Variants in CUL5 observed in about 807,000 individuals in gnomAD.
The protein encoded by CUL5 is cullin-5.
In CUL5, 26 loss-of-function variants were observed where a neutral mutation model predicts 108.8. The observed-to-expected ratio is 0.24, with a 90% CI of 0.18 to 0.33. CUL5 has a LOEUF of 0.33. Ranked by LOEUF, CUL5 falls within the 10% of genes least tolerant of loss-of-function variation. The pLI, the probability that CUL5 is intolerant of heterozygous loss-of-function variation, is 1.00. For synonymous variants in CUL5, 334 were observed against 298.0 expected, an observed-to-expected ratio of 1.12 and a Z score of -1.25; for missense variants, 524 against 909.2, an observed-to-expected ratio of 0.58 and a Z score of 5.45.
intron 7 of CUL5, among the ~76,000 whole-genome samples, chr11:108,058,898 G>A (rs1863466968): frequency 6.6e-6 from 1 of 152,214 alleles, no homozygotes; most frequent in African/African-American, 2.4e-5. Context: ...TGTATTTAAT[G>A]TAAAACAAGG....
chr11:108,043,236 ATTATT>A (rs1862979002), intron 2 of CUL5, among the ~76,000 whole-genome samples: 1 of 152,118 alleles, frequency 6.6e-6, no homozygotes, highest in African/African-American at 2.4e-5. Context: ...TGCCCAACTA[ATTATT>A]TTATTTTATT....
intron 7 of CUL5, among the ~76,000 whole-genome samples, chr11:108,068,154 G>T (rs1048343124): frequency 3.3e-5 from 5 of 152,110 alleles, no homozygotes; most frequent in African/African-American, 1.2e-4. Context: ...CTGACCTCAG[G>T]TGATCCGCCC....
chr11:108,014,143 A>T (rs1050669393), intron 1 of CUL5, among the ~76,000 whole-genome samples: 1 of 152,230 alleles, frequency 6.6e-6, no homozygotes. Flanking sequence ...TGGGATGATC[A>T]GTGAAAATTT....
chr11:108,029,220 G>C (rs1163029776), intron 1 of CUL5, among the ~76,000 whole-genome samples: 1 of 151,820 alleles, frequency 6.6e-6, no homozygotes, highest in African/African-American at 2.4e-5. Context: ...CTTTTTCCAG[G>C]TATTCCCCCA....
intron 18 of CUL5, among the ~76,000 whole-genome samples, chr11:108,102,540 A>C (rs1043518213): frequency 7.9e-5 from 12 of 151,958 alleles, no homozygotes; most frequent in Non-Finnish European, 1.6e-4. Flanking sequence ...CATGTTGCCT[A>C]GGCTGGTCTC....
chr11:108,079,709 C>T (rs1020408440), intron 11 of CUL5, among the ~76,000 whole-genome samples: 3 of 152,170 alleles, frequency 2.0e-5, no homozygotes, highest in South Asian at 2.1e-4. Flanking sequence ...TCTTTATCAT[C>T]GTACAAAGTT....
chr11:108,013,444 G>T (rs1161554963), intron 1 of CUL5, among the ~76,000 whole-genome samples: 1 of 152,100 alleles, frequency 6.6e-6, no homozygotes, highest in Non-Finnish European at 1.5e-5. Context: ...CTTTCCAGCT[G>T]GGTCTTCTCC....
chr11:108,075,137 G>A (rs1045299347), intron 10 of CUL5, among the ~76,000 whole-genome samples: 5 of 151,844 alleles, frequency 3.3e-5, no homozygotes, highest in African/African-American at 1.2e-4. Context: ...TCAATTAAGT[G>A]ATGATGGAGG....
rs1243193847 is a variant in CUL5, at chr11:108,105,317, C to G, written c.*933C>G. 6.6e-6 allele frequency: 1 copy of G among 152,236 alleles called. No individual in the cohort carries two copies. Among genetic ancestry groups the G allele is most frequent in the African/African-American group, 2.4e-5 (1 of 41,390 alleles). The allele number at this position is 152,236 out of a possible 1,614,324, so 9.4% of individuals were successfully genotyped here. A position where few individuals can be genotyped will look rare whatever the true frequency, so the allele number is the denominator to read the frequency against. On this transcript the variant is annotated 3_prime_UTR_variant, in exon 19 of 19. Transcript: ENST00000393094. ...TTATTAAAAACAACACAGAAATCTC[C>G]TGCTCTGATATAGTTATGTAACTGA...
At chr11:108,011,465 A>G (rs1862055467) in intron 1 of CUL5, among the ~76,000 whole-genome samples, 1 of 152,244 alleles carries the variant, frequency 6.6e-6, no homozygotes, top group African/African-American at 2.4e-5. Flanking sequence ...GCTCACAAGA[A>G]TTTAAAAAGT....
rs1861995799 is a variant in CUL5, at chr11:108,009,261, C to T, written c.-88C>T. On this transcript the variant is annotated 5_prime_UTR_variant, in exon 1 of 19. Coordinates refer to ENST00000393094, the MANE Select transcript of CUL5 (RefSeq NM_003478.6). ...TGGTGCGGGCCGACGGGCCCTGGGC[C>T]CTGGTGGGAGCTCCGGCCTCCGGTC... 2 of 1,475,664 alleles carry T rather than the reference C, an allele frequency of 1.4e-6. No individual in the cohort carries two copies. The highest frequency in any genetic ancestry group is 2.3e-5 in the South Asian group (2 of 86,570). 91.4% of individuals were successfully genotyped at this position (1,475,664 alleles called of 1,614,324 possible). A position where few individuals can be genotyped will look rare whatever the true frequency, so the allele number is the denominator to read the frequency against.
intron 1 of CUL5, among the ~76,000 whole-genome samples, chr11:108,026,507 A>G (rs888209489): frequency 2.0e-5 from 3 of 152,130 alleles, no homozygotes; most frequent in Non-Finnish European, 4.4e-5. Flanking sequence ...CAGCACCTAC[A>G]TGTACATTCT....
intron 16 of CUL5, among the ~76,000 whole-genome samples, chr11:108,097,013 T>A (rs1864519149): frequency 6.6e-6 from 1 of 152,074 alleles, no homozygotes; most frequent in Admixed American, 6.6e-5. Context: ...ATAGACCTCT[T>A]AAAAGTTCCA....
intron 1 of CUL5, among the ~76,000 whole-genome samples, chr11:108,011,722 G>A (rs898676665): frequency 2.0e-5 from 3 of 152,080 alleles, no homozygotes; most frequent in Non-Finnish European, 4.4e-5. Flanking sequence ...CCGCCTCCCG[G>A]GTTCAAGCGA....
At chr11:108,032,573 C>T (rs1454211287) in intron 1 of CUL5, among the ~76,000 whole-genome samples, 1 of 151,928 alleles carries the variant, frequency 6.6e-6, no homozygotes, top group Non-Finnish European at 1.5e-5. Flanking sequence ...ATGACTAACA[C>T]ATATGGGGTC....
In CUL5 at chr11:108,094,765, T is replaced by G. The variant is rs1213816704; in HGVS notation, c.1568-47T>G. The G allele has an allele frequency of 2.9e-6, 4 of 1,386,258 alleles. No individual in the cohort carries two copies. In the African/African-American group the frequency reaches 5.8e-5, roughly 20 times the overall value. The allele number at this position is 1,386,258 out of a possible 1,614,324, so 85.9% of individuals were successfully genotyped here. ...AGTTACCCTGTATTTATTTTGAATT[T>G]TATCCATTGTTAATTTACTTTATAT... is the stretch of plus-strand genomic sequence containing the variant. On this transcript the variant is annotated intron_variant, in intron 14 of 18. Coordinates refer to ENST00000393094, the MANE Select transcript of CUL5 (RefSeq NM_003478.6).
At chr11:108,058,676 TG>T (rs1376927822) in intron 7 of CUL5, among the ~76,000 whole-genome samples, 3 of 152,058 alleles carry the variant, frequency 2.0e-5, no homozygotes, top group Non-Finnish European at 2.9e-5. Context: ...GGAATGATAT[TG>T]GAGTTAAGAC....
At chr11:108,053,914 A>G (rs1863307226) in intron 5 of CUL5, among the ~76,000 whole-genome samples, 1 of 151,804 alleles carries the variant, frequency 6.6e-6, no homozygotes, top group Middle Eastern at 3.4e-3. Flanking sequence ...GTGCAGTGGC[A>G]TGCTCGCTGC....
Position 108,097,197 on chromosome 11 carries a change from G to A in CUL5, c.1906-439G>A, listed in dbSNP as rs557319220. Reference sequence around the variant, plus strand: ...ACGCTGGCTAATTTTTGTATTTTCAGTAGAGACGGGGTTTTGCCGTGTTGC... The same window carrying A: ...ACGCTGGCTAATTTTTGTATTTTCAATAGAGACGGGGTTTTGCCGTGTTGC... On this transcript the variant is annotated intron_variant, in intron 16 of 18. Transcript: ENST00000393094. 1.6e-4 allele frequency among the ~76,000 whole-genome samples: 25 copies of A among 152,250 alleles called. 1 individual carries two copies. In the South Asian group the frequency reaches 5.2e-3, roughly 32 times the overall value.
Sources: allele counts gnomAD v4.1 joint callset (sites outside exome capture counted in the v4.1 genomes callset), GRCh38; gene constraint gnomAD v4.1.1; transcripts MANE v1.5; gene names NCBI Gene and HGNC (gene_info 2026-07-23, HGNC 2026-07-21).